NTRK2: variants seen among roughly 807,000 people sequenced by gnomAD.
The protein encoded by NTRK2 is BDNF/NT-3 growth factors receptor.
A neutral mutation model predicts 94.5 loss-of-function variants in NTRK2; 13 were observed. The observed-to-expected ratio is 0.14, with a 90% CI of 0.09 to 0.22. The LOEUF (loss-of-function observed/expected upper bound fraction) is 0.22. Among genes scored for constraint, NTRK2 ranks in the 10% least tolerant of loss-of-function variants. The pLI, the probability that NTRK2 is intolerant of heterozygous loss-of-function variation, is 1.00. For missense variants in NTRK2, 639 were observed against 1,071.2 expected (o/e 0.60, Z 5.63); for synonymous variants, 372 against 407.4 (o/e 0.91, Z 1.05).
chr9:84,671,417 C>T (rs997066014), intron 2 of NTRK2, among the ~76,000 whole-genome samples: 5 of 151,934 alleles, frequency 3.3e-5, no homozygotes, highest in Non-Finnish European at 7.4e-5. Context: ...ACAGTCTCTC[C>T]CTTAACATCT....
intron 14 of NTRK2, chr9:84,871,875 C>G: frequency 6.2e-7 from 1 of 1,613,262 alleles, no homozygotes; most frequent in Non-Finnish European, 8.5e-7. Flanking sequence ...GAGGCTAAAT[C>G]CATGCCTGAT....
chr9:84,790,876 C>T (rs1017226279), intron 12 of NTRK2, among the ~76,000 whole-genome samples: 4 of 152,162 alleles, frequency 2.6e-5, no homozygotes, highest in Non-Finnish European at 4.4e-5. Context: ...CTGGCTATAA[C>T]GTGGATTTTA....
rs569362718 is a variant in NTRK2, at chr9:84,838,246, A to G, written c.1397-22794A>G. On this transcript the variant is annotated intron_variant, in intron 12 of 18. Transcript: ENST00000277120. Reference sequence around the variant, plus strand: ...ATAGTACATCCAGAAGAAAATAGCGACAGAGATGGGGAGGAAGTTATGTGG... The same window carrying G: ...ATAGTACATCCAGAAGAAAATAGCGGCAGAGATGGGGAGGAAGTTATGTGG... Among the ~76,000 whole-genome samples the G allele has an allele frequency of 2.0e-5, 3 of 152,318 alleles. No homozygotes were observed. The East Asian group carries it at 5.8e-4, about 29-fold the overall frequency.
chr9:84,704,580 G>A (rs545344132), intron 4 of NTRK2, among the ~76,000 whole-genome samples: 2 of 152,054 alleles, frequency 1.3e-5, no homozygotes, highest in Non-Finnish European at 2.9e-5. Flanking sequence ...TCTCTCCCTA[G>A]CTTTCAGAGA....
At chr9:84,695,197 C>T (rs1032087581) in intron 2 of NTRK2, among the ~76,000 whole-genome samples, 1 of 151,988 alleles carries the variant, frequency 6.6e-6, no homozygotes, top group Non-Finnish European at 1.5e-5. Flanking sequence ...GAAATATTCA[C>T]AGCTGCTTCC....
At chr9:84,939,887 G>A (rs1357980981) in intron 15 of NTRK2, among the ~76,000 whole-genome samples, 6 of 151,944 alleles carry the variant, frequency 3.9e-5, no homozygotes, top group African/African-American at 1.5e-4. Flanking sequence ...TTAATTCTCA[G>A]GCAGGTTATT....
At chr9:84,729,340 A>G (rs2062681502) in intron 9 of NTRK2, among the ~76,000 whole-genome samples, 1 of 152,236 alleles carries the variant, frequency 6.6e-6, no homozygotes, top group Admixed American at 6.5e-5. Context: ...TGCAAAACCC[A>G]GACACCCCTG....
chr9:84,827,856 A>G (rs555590338), intron 12 of NTRK2, among the ~76,000 whole-genome samples: 16 of 152,134 alleles, frequency 1.1e-4, no homozygotes, highest in African/African-American at 3.6e-4. Flanking sequence ...CCTAAGCCCC[A>G]TATCTTTGAT....
intron 6 of NTRK2, among the ~76,000 whole-genome samples, chr9:84,712,510 G>A (rs896904067): frequency 3.3e-5 from 5 of 152,116 alleles, no homozygotes; most frequent in Non-Finnish European, 5.9e-5. Flanking sequence ...TTACATTCAC[G>A]GTAACATTCA....
intron 12 of NTRK2, among the ~76,000 whole-genome samples, chr9:84,777,772 A>G (rs1421837633): frequency 6.6e-6 from 1 of 152,146 alleles, no homozygotes; most frequent in African/African-American, 2.4e-5. Flanking sequence ...AAACAGTCAT[A>G]ATTAGCAATT....
At chr9:84,864,288 T>C (rs1587729407) in intron 13 of NTRK2, among the ~76,000 whole-genome samples, 1 of 151,224 alleles carries the variant, frequency 6.6e-6, no homozygotes, top group Non-Finnish European at 1.5e-5. Context: ...GCACGTGGAG[T>C]CTTTTAAAAT....
intron 12 of NTRK2, chr9:84,812,549 T>C (rs1030985743): frequency 3.8e-6 from 4 of 1,046,574 alleles, no homozygotes; most frequent in Non-Finnish European, 4.6e-6. Context: ...AAGGTGTTGA[T>C]TTACAAAGAG....
In NTRK2 at chr9:84,749,706, A is replaced by G. The variant is rs1184992444; in HGVS notation, c.1297-2280A>G. Among the ~76,000 whole-genome samples, 3 of 152,218 alleles carry G rather than the reference A, an allele frequency of 2.0e-5. No homozygotes were observed. The East Asian group carries it at 5.8e-4, about 29-fold the overall frequency. On this transcript the variant is annotated intron_variant, in intron 11 of 18. Coordinates refer to ENST00000277120, the MANE Select transcript of NTRK2 (RefSeq NM_006180.6). ...GGATTTACAATAACCTACAAAGTAG[A>G]ATAATTATATTCTCCATCTTACACA... is the stretch of plus-strand genomic sequence containing the variant.
At chr9:84,709,889 G>A (rs1226308369) in intron 5 of NTRK2, among the ~76,000 whole-genome samples, 1 of 152,082 alleles carries the variant, frequency 6.6e-6, no homozygotes, top group Non-Finnish European at 1.5e-5. Context: ...GAATGGCGGT[G>A]GCTTTCCACC....
intron 12 of NTRK2, among the ~76,000 whole-genome samples, chr9:84,847,114 A>T (rs1286785954): frequency 1.3e-5 from 2 of 152,192 alleles, no homozygotes; most frequent in Non-Finnish European, 2.9e-5. Context: ...TCCCATCTCC[A>T]GAGGAGTCAA....
intron 12 of NTRK2, among the ~76,000 whole-genome samples, chr9:84,784,695 G>C (rs973045306): frequency 1.8e-4 from 27 of 152,188 alleles, no homozygotes; most frequent in African/African-American, 6.3e-4. Context: ...CAAGGTGCCA[G>C]CTAAGGACTC....
intron 12 of NTRK2, among the ~76,000 whole-genome samples, chr9:84,807,069 G>A (rs2071205862): frequency 6.6e-6 from 1 of 152,196 alleles, no homozygotes; most frequent in African/African-American, 2.4e-5. Flanking sequence ...TGCTTTTTTA[G>A]ATAGCAGCTG....
chr9:84,724,314 C>A lies in NTRK2; in HGVS notation c.811C>A (p.Leu271Ile), dbSNP rs2132033185. The change falls in exon 8 of 19, where the codon CTT becomes ATT. Residue 271 changes from leucine to isoleucine, a missense_variant. Transcript: ENST00000277120. ...GCAGATCTCTTGTGTGGCGGAAAAT[C>A]TTGTAGGAGAAGATCAAGATTCTGT... The part of the protein sequence containing the change: ...GKQISCVAEN[L>I]VGEDQDSVNL... 1 of 1,614,118 alleles carries A rather than the reference C, an allele frequency of 6.2e-7. No homozygotes were observed. Among genetic ancestry groups the A allele is most frequent in the South Asian group, 1.1e-5 (1 of 91,086 alleles).
At position 85,026,476 on chromosome 9, in the gene NTRK2, A is replaced by G. The variant is rs1168039954; in HGVS notation, c.*5039A>G. ...AAGGCCTATATCTTGCAGCTTGTAT[A>G]TCTTACTATTGCTTAAAAAATGTAT... On this transcript the variant is annotated 3_prime_UTR_variant, in exon 19 of 19. Coordinates refer to ENST00000277120, the MANE Select transcript of NTRK2 (RefSeq NM_006180.6). 8.6e-6 allele frequency: 2 copies of G among 232,388 alleles called. No homozygotes were observed. The highest frequency in any genetic ancestry group is 1.1e-4 in the Admixed American group (2 of 17,762). 14.4% of individuals were successfully genotyped at this position (232,388 alleles called of 1,614,324 possible).
Sources: allele counts gnomAD v4.1 joint callset (sites outside exome capture counted in the v4.1 genomes callset), GRCh38; gene constraint gnomAD v4.1.1; transcripts MANE v1.5; gene names NCBI Gene and HGNC (gene_info 2026-07-23, HGNC 2026-07-21).